NFATC3: variants seen among roughly 807,000 people sequenced by gnomAD.
The protein encoded by NFATC3 is nuclear factor of activated T-cells, cytoplasmic 3.
NFATC3 carries 46 observed loss-of-function variants against 98.6 expected under a neutral mutation model. The observed-to-expected ratio is 0.47, with a 90% CI of 0.37 to 0.60. NFATC3 has a LOEUF of 0.60. Among genes scored for constraint, NFATC3 ranks in the 20% least tolerant of loss-of-function variants. The probability of loss-of-function intolerance (pLI) is 0.00; values close to 1 mark genes in which losing one functional copy is unlikely to be tolerated. For synonymous variants in NFATC3, 512 were observed against 472.2 expected (o/e 1.08, Z -1.09); for missense variants, 1,256 against 1,295.5 (o/e 0.97, Z 0.47).
chr16:68,168,223 C>T (rs2039303914), intron 5 of NFATC3, among the ~76,000 whole-genome samples: 1 of 151,086 alleles, frequency 6.6e-6, no homozygotes, highest in South Asian at 2.1e-4. Context: ...TGTGGTGGCG[C>T]AATCTCAACT....
In NFATC3 at chr16:68,162,749, A is replaced by AT. The variant is rs879696380; in HGVS notation, c.1602-4081dup. On this transcript the variant is annotated intron_variant, in intron 4 of 9. Coordinates refer to ENST00000346183, the MANE Select transcript of NFATC3 (RefSeq NM_173165.3). ...GCAAAGATCAAAGAACATGTTGATCATTTTTTTTTTTTTAATTGATCATTC... is the reference window on the plus strand; with the variant it reads ...GCAAAGATCAAAGAACATGTTGATCATTTTTTTTTTTTTTAATTGATCATTC... Among the ~76,000 whole-genome samples the AT allele has an allele frequency of 3.2e-3, 475 of 146,618 alleles. 4 individuals are homozygous for AT. Among genetic ancestry groups the AT allele is most frequent in the African/African-American group, 0.011 (424 of 40,140 alleles).
intron 6 of NFATC3, among the ~76,000 whole-genome samples, chr16:68,180,535 T>G (rs1448796168): frequency 6.6e-6 from 1 of 152,174 alleles, no homozygotes; most frequent in East Asian, 1.9e-4. Context: ...AGTTCTAGGG[T>G]ACATATGCAC....
intron 3 of NFATC3, among the ~76,000 whole-genome samples, chr16:68,153,134 C>T (rs916252625): frequency 2.0e-5 from 3 of 152,222 alleles, no homozygotes; most frequent in East Asian, 1.9e-4. Flanking sequence ...CCGTGGCTCA[C>T]GCCTGTAATC....
intron 8 of NFATC3, among the ~76,000 whole-genome samples, chr16:68,190,382 T>C (rs2040385110): frequency 6.6e-6 from 1 of 152,226 alleles, no homozygotes. Flanking sequence ...GCTTTGTTTT[T>C]TGTTTTAGTT....
At chr16:68,199,628 G>T (rs536210013) in intron 9 of NFATC3, among the ~76,000 whole-genome samples, 201 of 150,256 alleles carry the variant, frequency 1.3e-3, no homozygotes, top group Non-Finnish European at 2.6e-3. Flanking sequence ...TCACTCTGTC[G>T]CCCAGGCTGG....
chr16:68,220,425 C>T (rs2041814470), intron 9 of NFATC3, among the ~76,000 whole-genome samples: 2 of 152,006 alleles, frequency 1.3e-5, no homozygotes, highest in African/African-American at 4.8e-5. Context: ...CACACCACTG[C>T]ACTCTAGCCT....
chr16:68,225,303 A>T (rs1391318916), intron 9 of NFATC3: 3 of 152,228 alleles, frequency 2.0e-5, no homozygotes, highest in African/African-American at 7.2e-5. Flanking sequence ...CTCCATACTC[A>T]TTAGTAATTC....
intron 3 of NFATC3, among the ~76,000 whole-genome samples, chr16:68,146,345 T>A (rs1204114488): frequency 6.6e-6 from 1 of 151,810 alleles, no homozygotes; most frequent in African/African-American, 2.4e-5. Flanking sequence ...GGCAAGAGGA[T>A]CACTGCTTGA....
At chr16:68,184,776 C>T (rs1045367042) in intron 8 of NFATC3, among the ~76,000 whole-genome samples, 1 of 151,936 alleles carries the variant, frequency 6.6e-6, no homozygotes, top group Non-Finnish European at 1.5e-5. Context: ...TGCACTCCAG[C>T]CTGGGCAACA....
chr16:68,164,405 G>GGGGAGA (rs563054345), intron 4 of NFATC3, among the ~76,000 whole-genome samples: 62 of 152,188 alleles, frequency 4.1e-4, no homozygotes, highest in African/African-American at 1.3e-3. Context: ...GGGAGACCGT[G>GGGGAGA]GGGAGAGGGA....
chr16:68,213,461 A>T (rs1163646507), intron 9 of NFATC3, among the ~76,000 whole-genome samples: 4 of 133,978 alleles, frequency 3.0e-5, no homozygotes, highest in East Asian at 2.0e-4. Flanking sequence ...AATAAAAATT[A>T]AAAAAAAAAT....
In NFATC3 at chr16:68,170,403, A is replaced by G. The variant is rs1481077394; in HGVS notation, c.1774+3388A>G. The stretch of plus-strand genomic sequence containing the variant: ...TTCTGTCTCAAAAAAAAAAAAAAAA[A>G]GCACAAAATGGTACAAAGAATAGTA... On this transcript the variant is annotated intron_variant, in intron 5 of 9. Transcript: ENST00000346183. Among the ~76,000 whole-genome samples the G allele has an allele frequency of 2.7e-5, 4 of 150,914 alleles. No individual in the cohort carries two copies. The East Asian group carries it at 5.8e-4, about 22-fold the overall frequency.
intron 3 of NFATC3, among the ~76,000 whole-genome samples, chr16:68,135,707 A>T (rs2037366454): frequency 6.6e-6 from 1 of 152,134 alleles, no homozygotes. Context: ...TAATTTTCTG[A>T]ATTTTTTTAG....
chr16:68,181,095 G>A (rs865810912), intron 6 of NFATC3, among the ~76,000 whole-genome samples: 1 of 152,204 alleles, frequency 6.6e-6, no homozygotes, highest in African/African-American at 2.4e-5. Context: ...CTTCCACAAT[G>A]GTTGAAGTAG....
intron 3 of NFATC3, among the ~76,000 whole-genome samples, chr16:68,143,631 C>T (rs886304503): frequency 2.0e-5 from 3 of 152,098 alleles, no homozygotes; most frequent in Admixed American, 6.6e-5. Flanking sequence ...GGCAGATGAC[C>T]TGAGGTCAGG....
chr16:68,207,495 A>G (rs552240294), intron 9 of NFATC3, among the ~76,000 whole-genome samples: 1 of 151,878 alleles, frequency 6.6e-6, no homozygotes, highest in East Asian at 1.9e-4. Flanking sequence ...ATGGAGTCCC[A>G]CTCTGTCACC....
chr16:68,196,427 G>C (rs956750368), intron 9 of NFATC3, among the ~76,000 whole-genome samples: 3 of 152,074 alleles, frequency 2.0e-5, no homozygotes, highest in African/African-American at 7.2e-5. Flanking sequence ...AGCCTAAAAT[G>C]AATTTTTGAT....
intron 6 of NFATC3, among the ~76,000 whole-genome samples, chr16:68,181,007 TG>T (rs1236551828): frequency 6.6e-6 from 1 of 152,250 alleles, no homozygotes; most frequent in Non-Finnish European, 1.5e-5. Flanking sequence ...TATAATCCTT[TG>T]GGTATATACC....
intron 6 of NFATC3, among the ~76,000 whole-genome samples, chr16:68,179,067 G>T (rs920400933): frequency 2.6e-5 from 4 of 152,064 alleles, no homozygotes; most frequent in Non-Finnish European, 5.9e-5. Flanking sequence ...TATCTTAGGG[G>T]TTCATGTCAT....
Sources: gnomAD v4.1 joint callset for allele counts (sites outside exome capture counted in the v4.1 genomes callset) on GRCh38, gnomAD v4.1.1 for gene constraint, MANE v1.5 for transcripts, NCBI Gene and HGNC (gene_info 2026-07-23, HGNC 2026-07-21) for gene names.